The following PTPRU variants were observed in gnomAD, a reference collection of about 807,000 sequenced individuals.
The protein encoded by PTPRU is receptor-type tyrosine-protein phosphatase U.
PTPRU carries 69 observed loss-of-function variants against 166.3 expected under a neutral mutation model. That is an observed-to-expected ratio of 0.41 (90% CI 0.34 to 0.51). The LOEUF is 0.51. Ranked by LOEUF, PTPRU falls within the 20% of genes least tolerant of loss-of-function variation. The probability of loss-of-function intolerance (pLI) is 0.09; values close to 1 mark genes in which losing one functional copy is unlikely to be tolerated. For synonymous variants in PTPRU, 793 were observed against 814.0 expected, an observed-to-expected ratio of 0.97 and a Z score of 0.44; for missense variants, 1,657 against 2,013.7, an observed-to-expected ratio of 0.82 and a Z score of 3.39.
intron 1 of PTPRU, among the ~76,000 whole-genome samples, chr1:29,243,149 G>A (rs572998305): frequency 1.3e-5 from 2 of 152,170 alleles, no homozygotes; most frequent in Admixed American, 6.5e-5. Context: ...TGCCTGACTC[G>A]GCCTCCCAAA....
In PTPRU at chr1:29,278,705, G is replaced by A. The variant is rs142997464; in HGVS notation, c.1454-307G>A. ...TGGAACAAAATTGGAGCCTTCAAAC[G>A]TATTTCTCTCCTGAATGCAACCTAC... On this transcript the variant is annotated intron_variant, in intron 8 of 29. Coordinates refer to ENST00000373779, the MANE Select transcript of PTPRU (RefSeq NM_133178.4). 1.0e-2 allele frequency among the ~76,000 whole-genome samples: 1,520 copies of A among 152,284 alleles called. 16 individuals are homozygous for A. Among genetic ancestry groups the A allele is most frequent in the African/African-American group, 0.033 (1,390 of 41,544 alleles).
intron 14 of PTPRU, among the ~76,000 whole-genome samples, chr1:29,285,442 A>G (rs889286509): frequency 6.6e-5 from 10 of 151,994 alleles, no homozygotes; most frequent in African/African-American, 2.2e-4. Context: ...CGCCCCTACT[A>G]TCCCTCGTGT....
At chr1:29,263,020 C>T (rs1403186386) in intron 7 of PTPRU, among the ~76,000 whole-genome samples, 1 of 152,158 alleles carries the variant, frequency 6.6e-6, no homozygotes, top group Non-Finnish European at 1.5e-5. Context: ...GAGTTTCACT[C>T]TGTCGCCAGG....
In PTPRU at chr1:29,260,333, G is replaced by T; in HGVS notation, c.851-277G>T. ...TCTGTGTTGATCCTAGCTGGCCTGC[G>T]GTCCGCTCCAGGAGGCGAGGATGTG... is the stretch of plus-strand genomic sequence containing the variant. On this transcript the variant is annotated intron_variant, in intron 6 of 29. Coordinates refer to ENST00000373779, the MANE Select transcript of PTPRU (RefSeq NM_133178.4). The surrounding 1 kb of genome is among the most constrained non-coding windows in gnomAD (Gnocchi z 8.3). The T allele has an allele frequency of 4.3e-6, 2 of 469,122 alleles. No individual in the cohort carries two copies. Among genetic ancestry groups the T allele is most frequent in the East Asian group, 3.5e-5 (1 of 28,396 alleles). The allele number at this position is 469,122 out of a possible 1,614,324, so 29.1% of individuals were successfully genotyped here. A position where few individuals can be genotyped will look rare whatever the true frequency, so the allele number is the denominator to read the frequency against.
Position 29,304,781 on chromosome 1 carries a change from T to G in PTPRU, c.2675T>G (p.Phe892Cys). Reference protein sequence around the residue: ...YGFKQEYESFFEGWDATKKKD... With the variant: ...YGFKQEYESFCEGWDATKKKD... ...CACTTTTCTTTCTGGTAGAGCTTCT[T>G]TGAAGGCTGGGACGCCACAAAGAAG... Residue 892 changes from phenylalanine (F) to cysteine (C), a missense_variant, in exon 17 of 30, where the codon TTT (phenylalanine) becomes TGT (cysteine). By Grantham distance (205) the Phe-to-Cys change is radical. Coordinates refer to ENST00000373779, the MANE Select transcript of PTPRU (RefSeq NM_133178.4). 6.2e-7 allele frequency: 1 copy of G among 1,609,842 alleles called. No individual in the cohort carries two copies. The highest frequency in any genetic ancestry group is 8.5e-7 in the Non-Finnish European group (1 of 1,176,734).
chr1:29,292,551 T>C (rs1387270961), intron 15 of PTPRU, among the ~76,000 whole-genome samples: 1 of 152,246 alleles, frequency 6.6e-6, no homozygotes, highest in Non-Finnish European at 1.5e-5. Context: ...CACTTAGGGC[T>C]GTGCTTGTAT....
chr1:29,304,076 C>T, intron 16 of PTPRU, 31 bp downstream of exon 16: 1 of 1,584,362 alleles, frequency 6.3e-7, no homozygotes, highest in Admixed American at 1.7e-5. Context: ...AGCAGGATCC[C>T]TGCAGAGGCC....
chr1:29,310,906 A>G (rs1315479890), intron 19 of PTPRU, 126 bp downstream of exon 19: 5 of 1,204,784 alleles, frequency 4.2e-6, no homozygotes, highest in African/African-American at 1.5e-5. Context: ...CACCGTCGCC[A>G]TATTCTGGCT....
Position 29,275,550 on chromosome 1 carries a change from C to G in PTPRU, c.1247C>G (p.Thr416Ser). 1 of 1,614,218 alleles carries G rather than the reference C, an allele frequency of 6.2e-7. No individual in the cohort carries two copies. Reference protein sequence around the residue: ...PLGYNVTRCHTYTVSLCYHYT... With the variant: ...PLGYNVTRCHSYTVSLCYHYT... ...GGCTACAACGTGACGCGTTGCCACA[C>G]CTATACTGTGTCGCTGTGCTATCAC... Residue 416 changes from threonine to serine, a missense_variant, in exon 8 of 30, where the codon ACC becomes AGC. This residue lies in a region of PTPRU where 1,190 missense variants were observed against 1,477.4 expected (regional missense o/e 0.81). Coordinates refer to ENST00000373779, the MANE Select transcript of PTPRU (RefSeq NM_133178.4).
chr1:29,285,336 TC>T (rs1323117610), intron 14 of PTPRU, among the ~76,000 whole-genome samples: 2 of 152,140 alleles, frequency 1.3e-5, no homozygotes, highest in African/African-American at 4.8e-5. Flanking sequence ...CTTCCCGGGA[TC>T]CACCTTCTCT....
chr1:29,291,838 G>A lies in PTPRU; in HGVS notation c.2319-31G>A, dbSNP rs939396290. 6.2e-7 allele frequency: 1 copy of A among 1,610,502 alleles called. No homozygotes were observed. The highest frequency in any genetic ancestry group is 1.3e-5 in the African/African-American group (1 of 74,900). Reference sequence around the variant, plus strand: ...TGGGTGCTGTCCAGCCCCACACAATGCCTGTGTCTCCCCTCAACCCCCCTC... The same window carrying A: ...TGGGTGCTGTCCAGCCCCACACAATACCTGTGTCTCCCCTCAACCCCCCTC... On this transcript the variant is annotated intron_variant, in intron 14 of 29. Coordinates refer to ENST00000373779, the MANE Select transcript of PTPRU (RefSeq NM_133178.4). This position sits in a 1 kb window ranked among gnomAD's most constrained non-coding sequence, Gnocchi z 4.1.
rs1201095988 is a variant in PTPRU, at chr1:29,237,053, T to C, written c.73+336T>C. Among the ~76,000 whole-genome samples, 1 of 151,844 alleles carries C rather than the reference T, an allele frequency of 6.6e-6. No homozygotes were observed. The highest frequency in any genetic ancestry group is 1.5e-5 in the Non-Finnish European group (1 of 67,964). Reference sequence around the variant, plus strand: ...CAAGTGGGTTGTGTGTGCATCTGAGTTTGGTTGTGTTGCGGGAGTTGTATC... The same window carrying C: ...CAAGTGGGTTGTGTGTGCATCTGAGCTTGGTTGTGTTGCGGGAGTTGTATC... On this transcript the variant is annotated intron_variant, in intron 1 of 29. Coordinates refer to ENST00000373779, the MANE Select transcript of PTPRU (RefSeq NM_133178.4). The surrounding 1 kb of genome is among the most constrained non-coding windows in gnomAD (Gnocchi z 6.4).
rs749019468 is a variant in PTPRU at position 29,317,799 on chromosome 1, C to T, written c.3565C>T (p.Leu1189=). 2 of 1,613,060 alleles carry T rather than the reference C, an allele frequency of 1.2e-6. No individual in the cohort carries two copies. The highest frequency in any genetic ancestry group is 2.7e-5 in the African/African-American group (2 of 74,938). Residue 1189 remains leucine (L), a synonymous_variant, in exon 25 of 30, where the codon CTG becomes TTG. Coordinates refer to ENST00000373779, the MANE Select transcript of PTPRU (RefSeq NM_133178.4). The surrounding 1 kb of genome is among the most constrained non-coding windows in gnomAD (Gnocchi z 5.6). ...GGACGTGGAGGAGTGCAGCATCGCC[C>T]TGTTGCCCCGGAACCGCGACAAGAA... ...PLDVEECSIA[L]LPRNRDKNRS... is the part of the protein sequence containing the mutation.
At position 29,279,531 on chromosome 1, in the gene PTPRU, C is replaced by T. The variant is rs769242189; in HGVS notation, c.1639C>T (p.Arg547Cys). Residue 547 changes from arginine (R) to cysteine (C), a missense_variant, in exon 10 of 30, where the codon CGC (arginine) becomes TGC (cysteine). Around this residue, in one of 3 missense-constraint regions of PTPRU, gnomAD observed 1,190 missense variants for 1,477.4 expected, o/e 0.81. Transcript: ENST00000373779. The surrounding 1 kb of genome is among the most constrained non-coding windows in gnomAD (Gnocchi z 5.2). ...CCCACGACGTACCATCTCCAAGCTCCGCAATGAGACCTACCATGTCTTCTC... is the reference window on the plus strand; with the variant it reads ...CCCACGACGTACCATCTCCAAGCTCTGCAATGAGACCTACCATGTCTTCTC... ...PGPRRTISKL[R>C]NETYHVFSNL... is the part of the protein sequence containing the mutation. 1.1e-5 allele frequency: 18 copies of T among 1,614,068 alleles called. No individual in the cohort carries two copies. Among genetic ancestry groups the T allele is most frequent in the Admixed American group, 5.0e-5 (3 of 60,016 alleles).
chr1:29,325,989 A>G lies in PTPRU; in HGVS notation c.*328A>G. The G allele has an allele frequency of 3.5e-5, 15 of 434,520 alleles. No homozygotes were observed. The highest frequency in any genetic ancestry group is 8.2e-5 in the South Asian group (1 of 12,146). 26.9% of individuals were successfully genotyped at this position (434,520 alleles called of 1,614,324 possible). On this transcript the variant is annotated 3_prime_UTR_variant, in exon 30 of 30. Coordinates refer to ENST00000373779, the MANE Select transcript of PTPRU (RefSeq NM_133178.4). ...CGGCTGGCTCTGGGGGACTCAGGCC[A>G]AGCCCCTTGGCACCATCCTGGCTTT...
In PTPRU at chr1:29,236,665, C is replaced by T. The variant is rs772848450; in HGVS notation, c.21C>T (p.Leu7=). ...CAACCATGGCCCGTGCCCAGGCGCT[C>T]GTGCTGGCACTCACCTTCCAGCTCT... MARAQA[L]VLALTFQLCA... Residue 7 remains leucine (L), a synonymous_variant, in exon 1 of 30, where the codon CTC becomes CTT. Transcript: ENST00000373779. This position sits in a 1 kb window ranked among gnomAD's most constrained non-coding sequence, Gnocchi z 4.6. 11 of 1,430,508 alleles carry T rather than the reference C, an allele frequency of 7.7e-6. No homozygotes were observed. The highest frequency in any genetic ancestry group is 1.0e-5 in the Non-Finnish European group (11 of 1,090,426). 88.6% of individuals were successfully genotyped at this position (1,430,508 alleles called of 1,614,324 possible).
intron 1 of PTPRU, among the ~76,000 whole-genome samples, chr1:29,251,939 C>T (rs955513127): frequency 5.9e-5 from 9 of 152,348 alleles, no homozygotes; most frequent in African/African-American, 2.2e-4. Context: ...CCACCATGCT[C>T]TCTCTCTGTA....
intron 7 of PTPRU, among the ~76,000 whole-genome samples, chr1:29,268,265 G>T (rs1413173184): frequency 6.6e-6 from 1 of 152,200 alleles, no homozygotes; most frequent in African/African-American, 2.4e-5. Context: ...TGTGGAGATG[G>T]TATAGATGGC....
rs751047173 is a variant in PTPRU at position 29,311,563 on chromosome 1, G to T, written c.2955+10G>T. 4 of 1,614,218 alleles carry T rather than the reference G, an allele frequency of 2.5e-6. No individual in the cohort carries two copies. On this transcript the variant is annotated intron_variant, in intron 20 of 29. Transcript: ENST00000373779. The surrounding 1 kb of genome is among the most constrained non-coding windows in gnomAD (Gnocchi z 4.1). ...GGTCGAGGTGGGCAGGGTAAGCCGG[G>T]CTGTGGGGCGAGCTGGGGCGCATGG...
Sources: allele counts gnomAD v4.1 joint callset (sites outside exome capture counted in the v4.1 genomes callset), GRCh38; gene constraint gnomAD v4.1.1; regional missense constraint gnomAD v4.1.1; non-coding constraint Gnocchi (gnomAD v3.1); transcripts MANE v1.5; gene names NCBI Gene and HGNC (gene_info 2026-07-23, HGNC 2026-07-21).